ACAP2: variants seen among roughly 807,000 people sequenced by gnomAD.
The protein encoded by ACAP2 is ArfGAP with coiled-coil, ankyrin repeat and PH domains 2, also known as arf-GAP with coiled-coil, ANK repeat and PH domain-containing protein 2.
A neutral mutation model predicts 115.8 loss-of-function variants in ACAP2; 39 were observed. The ratio of observed to expected loss-of-function variants is 0.34; its 90% CI spans 0.26 to 0.44. The LOEUF is 0.44. ACAP2 is among the 20% of genes least tolerant of loss of function. The probability of loss-of-function intolerance (pLI) is 1.00; values close to 1 mark genes in which losing one functional copy is unlikely to be tolerated. For missense variants in ACAP2, 662 were observed against 927.6 expected, an observed-to-expected ratio of 0.71 and a Z score of 3.72; for synonymous variants, 289 against 315.8, an observed-to-expected ratio of 0.92 and a Z score of 0.90.
chr3:195,286,589 A>G (rs968010256), intron 21 of ACAP2, among the ~76,000 whole-genome samples: 2 of 152,180 alleles, frequency 1.3e-5, no homozygotes, highest in Non-Finnish European at 2.9e-5. Flanking sequence ...CCCTCTTCTG[A>G]AATGTTCTCT....
intron 11 of ACAP2, 138 bp downstream of exon 11, chr3:195,308,648 T>C: frequency 1.4e-6 from 1 of 740,620 alleles, no homozygotes; most frequent in Non-Finnish European, 2.2e-6. Flanking sequence ...AGAGTCCTCT[T>C]ATACCTGCTC....
At chr3:195,424,242 GTGGTGT>G (rs1162507315) in intron 1 of ACAP2, among the ~76,000 whole-genome samples, 22 of 102,818 alleles carry the variant, frequency 2.1e-4, no homozygotes, top group Admixed American at 3.1e-4. Context: ...GTGTGTGTGT[GTGGTGT>G]GTGTGTGTGT....
rs1482073993 is a variant in ACAP2 at position 195,275,965 on chromosome 3, T to TA, written c.*3362dup. 1.3e-5 allele frequency: 2 copies of TA among 152,646 alleles called. No individual in the cohort carries two copies. Among genetic ancestry groups the TA allele is most frequent in the Non-Finnish European group, 2.9e-5 (2 of 68,040 alleles). 9.5% of individuals were successfully genotyped at this position (152,646 alleles called of 1,614,324 possible). ...TGCGGTTCTAAAGTCATTCTGGACA[T>TA]ACAATCTACAAAAATACATCATTTT... is the stretch of plus-strand genomic sequence containing the variant. On this transcript the variant is annotated 3_prime_UTR_variant, in exon 23 of 23. Coordinates refer to ENST00000326793, the MANE Select transcript of ACAP2 (RefSeq NM_012287.6).
At chr3:195,371,787 G>A (rs1220950200) in intron 4 of ACAP2, among the ~76,000 whole-genome samples, 1 of 152,078 alleles carries the variant, frequency 6.6e-6, no homozygotes, top group Non-Finnish European at 1.5e-5. Context: ...CAAGTAGCTG[G>A]TTATATAGGT....
chr3:195,405,952 A>T lies in ACAP2; in HGVS notation c.54-13805T>A, dbSNP rs367676232. On this transcript the variant is annotated intron_variant, in intron 1 of 22. Coordinates refer to ENST00000326793, the MANE Select transcript of ACAP2 (RefSeq NM_012287.6). ...GAACAGCACCAAGAGCATGATGGTAAACCATTCATGAGAAACTGCCCCCAT... is the reference window on the plus strand; with the variant it reads ...GAACAGCACCAAGAGCATGATGGTATACCATTCATGAGAAACTGCCCCCAT... 3.9e-5 allele frequency among the ~76,000 whole-genome samples: 6 copies of T among 152,244 alleles called. No homozygotes were observed. The East Asian group carries it at 9.7e-4, about 24-fold the overall frequency.
At chr3:195,322,390 G>T (rs10933706) in intron 9 of ACAP2, among the ~76,000 whole-genome samples, 125,892 of 151,984 alleles carry the variant, frequency 0.83, 52,386 homozygotes, top group East Asian at 0.94. Flanking sequence ...GAAGGCAGAG[G>T]GACAACCATC....
rs749352761 is a variant in ACAP2, at chr3:195,377,138, C to CTTTTTTTTTTTTTTTTTTTT, written c.285+3851_285+3870dup. ...CATTTTACAGAGGAGGAATGTAAAT[C>CTTTTTTTTTTTTTTTTTTTT]TTTTTTTTTTTTTTTTTTTTTTTGG... is the stretch of plus-strand genomic sequence containing the variant. On this transcript the variant is annotated intron_variant, in intron 4 of 22. Coordinates refer to ENST00000326793, the MANE Select transcript of ACAP2 (RefSeq NM_012287.6). Among the ~76,000 whole-genome samples, 11 of 77,110 alleles carry CTTTTTTTTTTTTTTTTTTTT rather than the reference C, an allele frequency of 1.4e-4. 1 individual carries two copies. The highest frequency in any genetic ancestry group is 1.3e-3 in the East Asian group (2 of 1,600). 50.6% of individuals were successfully genotyped at this position (77,110 alleles called of 152,430 possible).
chr3:195,415,758 C>T (rs938547699), intron 1 of ACAP2, among the ~76,000 whole-genome samples: 7 of 151,624 alleles, frequency 4.6e-5, no homozygotes, highest in Non-Finnish European at 8.8e-5. Flanking sequence ...AAGATAAAAA[C>T]TTTATTTAGA....
chr3:195,407,180 T>C (rs987842097), intron 1 of ACAP2, among the ~76,000 whole-genome samples: 7 of 143,122 alleles, frequency 4.9e-5, no homozygotes, highest in African/African-American at 1.3e-4. Flanking sequence ...ACTAAACTTA[T>C]AGAAAGAACA....
intron 18 of ACAP2, among the ~76,000 whole-genome samples, chr3:195,293,856 A>G (rs1429440834): frequency 6.6e-6 from 1 of 151,930 alleles, no homozygotes; most frequent in Admixed American, 6.6e-5. Context: ...AATGTAGGGC[A>G]GCCTCGGTGG....
chr3:195,328,886 T>C (rs1729981922), intron 8 of ACAP2, among the ~76,000 whole-genome samples: 1 of 152,188 alleles, frequency 6.6e-6, no homozygotes, highest in East Asian at 1.9e-4. Flanking sequence ...GAGACCATCC[T>C]GGCTAACACG....
Position 195,295,756 on chromosome 3 carries a change from A to C in ACAP2, c.1624T>G (p.Ser542Ala), listed in dbSNP as rs1372407379. 1 of 1,614,134 alleles carries C rather than the reference A, an allele frequency of 6.2e-7. No homozygotes were observed. The highest frequency in any genetic ancestry group is 2.2e-5 in the East Asian group (1 of 44,860). ...ACTTGGTCCCCTGGCCCAAATTTAG[A>C]AATGCTCAGCCTCTTTTCTTCAGAA... ...KSSEEKRLSI[S>A]KFGPGDQVRA... is the part of the protein sequence containing the mutation. Residue 542 changes from serine (S) to alanine (A), a missense_variant, in exon 17 of 23, where the codon TCT becomes GCT. Physicochemically the swap from Ser to Ala is moderately conservative, Grantham distance 99. Transcript: ENST00000326793.
chr3:195,417,795 A>G (rs1207978822), intron 1 of ACAP2, among the ~76,000 whole-genome samples: 1 of 152,124 alleles, frequency 6.6e-6, no homozygotes, highest in East Asian at 1.9e-4. Context: ...AAAAAATTTT[A>G]AAAATTAGCC....
chr3:195,322,484 A>C (rs1010872372), intron 9 of ACAP2, among the ~76,000 whole-genome samples: 1 of 152,160 alleles, frequency 6.6e-6, no homozygotes, highest in African/African-American at 2.4e-5. Context: ...AAAAAAAAAT[A>C]ACCTCTCCTG....
In ACAP2 at chr3:195,357,315, A is replaced by G. The variant is rs1052168165; in HGVS notation, c.286-11998T>C. ...CTTAAACATAGTTGAATACAGTGCC[A>G]GGGAAATTTCTAAGGTTTCCGATTG... On this transcript the variant is annotated intron_variant, in intron 4 of 22. Coordinates refer to ENST00000326793, the MANE Select transcript of ACAP2 (RefSeq NM_012287.6). Among the ~76,000 whole-genome samples the G allele has an allele frequency of 1.4e-4, 22 of 152,250 alleles. No individual in the cohort carries two copies. In the Middle Eastern group the frequency reaches 0.01, roughly 71 times the overall value.
chr3:195,370,693 G>C (rs982921827), intron 4 of ACAP2, among the ~76,000 whole-genome samples: 1 of 152,170 alleles, frequency 6.6e-6, no homozygotes, highest in African/African-American at 2.4e-5. Context: ...ACTCACACCT[G>C]TAATCCCAAC....
chr3:195,320,914 TATTA>T, intron 9 of ACAP2, 101 bp from the exon 10 acceptor site: 1 of 679,362 alleles, frequency 1.5e-6, no homozygotes, highest in Non-Finnish European at 2.5e-6. Flanking sequence ...AAAAGGTTTA[TATTA>T]AGACAGTTAC....
chr3:195,314,133 G>GT (rs1316687490), intron 10 of ACAP2, among the ~76,000 whole-genome samples: 6 of 150,518 alleles, frequency 4.0e-5, no homozygotes, highest in Non-Finnish European at 7.4e-5. Context: ...ACAAAGTGAG[G>GT]TTTTATTAAA....
At chr3:195,301,499 A>G in intron 15 of ACAP2, 76 bp downstream of exon 15, 2 of 1,169,144 alleles carry the variant, frequency 1.7e-6, no homozygotes, top group Non-Finnish European at 2.5e-6. Flanking sequence ...GAACTCACAC[A>G]TTTGTAAACC....
Sources: gnomAD v4.1 joint callset for allele counts (sites outside exome capture counted in the v4.1 genomes callset) on GRCh38, gnomAD v4.1.1 for gene constraint, MANE v1.5 for transcripts, NCBI Gene and HGNC (gene_info 2026-07-23, HGNC 2026-07-21) for gene names.